The following FBH1 variants were observed in gnomAD, a reference collection of about 807,000 sequenced individuals.
The protein encoded by FBH1 is DNA 3'-5' helicase 1.
A neutral mutation model predicts 115.5 loss-of-function variants in FBH1; 43 were observed. The ratio of observed to expected loss-of-function variants is 0.37; its 90% CI spans 0.29 to 0.48. FBH1 has a LOEUF of 0.48. Ranked by LOEUF, FBH1 falls within the 20% of genes least tolerant of loss-of-function variation. FBH1 has a pLI of 0.99. For missense variants in FBH1, 1,001 were observed against 1,337.3 expected, an observed-to-expected ratio of 0.75 and a Z score of 3.92; for synonymous variants, 524 against 507.8, an observed-to-expected ratio of 1.03 and a Z score of -0.43.
Position 5,911,245 on chromosome 10 carries a change from C to A in FBH1, c.1211+117C>A. ...GCACCTGGCAGGCTGTGGGACCCAC[C>A]TGCTCCACCTCAGTGTCATCTTCTG... On this transcript the variant is annotated intron_variant, in intron 6 of 20. Transcript: ENST00000362091. The surrounding 1 kb of genome is among the most constrained non-coding windows in gnomAD (Gnocchi z 5.4). The A allele has an allele frequency of 1.0e-6, 1 of 961,692 alleles. No homozygotes were observed. The highest frequency in any genetic ancestry group is 1.5e-6 in the Non-Finnish European group (1 of 650,356). The allele number at this position is 961,692 out of a possible 1,614,324, so 59.6% of individuals were successfully genotyped here. A position where few individuals can be genotyped will look rare whatever the true frequency, so the allele number is the denominator to read the frequency against.
intron 2 of FBH1, among the ~76,000 whole-genome samples, chr10:5,903,787 T>C (rs1050362681): frequency 6.6e-6 from 1 of 152,214 alleles, no homozygotes; most frequent in Non-Finnish European, 1.5e-5. Flanking sequence ...ATTAGTTGAC[T>C]CTTCATTCAT....
At position 5,917,808 on chromosome 10, in the gene FBH1, T is replaced by C. The variant is rs1832063890; in HGVS notation, c.1963+132T>C. ...AAAGAAGAGGATCTTCATACTTACC[T>C]TAGGATTTCAAGCTGCCCCTTCCCC... On this transcript the variant is annotated intron_variant, in intron 12 of 20. Coordinates refer to ENST00000362091, the MANE Select transcript of FBH1 (RefSeq NM_178150.3). The surrounding 1 kb of genome is among the most constrained non-coding windows in gnomAD (Gnocchi z 5.6). 2 of 780,640 alleles carry C rather than the reference T, an allele frequency of 2.6e-6. No homozygotes were observed. The highest frequency in any genetic ancestry group is 3.5e-5 in the African/African-American group (2 of 57,696). 48.4% of individuals were successfully genotyped at this position (780,640 alleles called of 1,614,324 possible).
intron 1 of FBH1, chr10:5,894,261 C>T: frequency 3.5e-6 from 5 of 1,417,130 alleles, no homozygotes; most frequent in South Asian, 3.2e-5. Context: ...TTCGGGTCTA[C>T]AGCATTTAGT....
intron 13 of FBH1, among the ~76,000 whole-genome samples, chr10:5,919,496 A>G (rs1482565454): frequency 6.6e-6 from 1 of 152,176 alleles, no homozygotes; most frequent in Non-Finnish European, 1.5e-5. Flanking sequence ...AAAAAAAAAT[A>G]GTTTTTAATA....
rs1015420558 is a variant in FBH1 at position 5,925,701 on chromosome 10, C to T, written c.2722+209C>T. Among the ~76,000 whole-genome samples, 29 of 152,346 alleles carry T rather than the reference C, an allele frequency of 1.9e-4. No homozygotes were observed. The highest frequency in any genetic ancestry group is 6.7e-4 in the African/African-American group (28 of 41,588). On this transcript the variant is annotated intron_variant, in intron 18 of 20. Transcript: ENST00000362091. The surrounding 1 kb of genome is among the most constrained non-coding windows in gnomAD (Gnocchi z 4.6). ...AAAAACAAAACTTCCTCAAGGTGCACCCCTCTGGGGGCTGCGTGTGGGATG... is the reference window on the plus strand; with the variant it reads ...AAAAACAAAACTTCCTCAAGGTGCATCCCTCTGGGGGCTGCGTGTGGGATG...
In FBH1 at chr10:5,915,344, A is replaced by G; in HGVS notation, c.1397-59A>G. On this transcript the variant is annotated intron_variant, in intron 8 of 20. Coordinates refer to ENST00000362091, the MANE Select transcript of FBH1 (RefSeq NM_178150.3). This position sits in a 1 kb window ranked among gnomAD's most constrained non-coding sequence, Gnocchi z 5.2. ...AAGCCTGGACAAGGCCTGATTGGGG[A>G]TCCCTGGGCATGTCTTGTCTGGTCA... The G allele has an allele frequency of 6.3e-7, 1 of 1,576,992 alleles. No individual in the cohort carries two copies. Among genetic ancestry groups the G allele is most frequent in the Non-Finnish European group, 8.7e-7 (1 of 1,154,638 alleles).
intron 2 of FBH1, among the ~76,000 whole-genome samples, chr10:5,903,839 T>A (rs994520633): frequency 6.6e-6 from 1 of 152,192 alleles, no homozygotes; most frequent in South Asian, 2.1e-4. Context: ...TGTCATTGTT[T>A]TTCCTCCAAA....
At position 5,897,917 on chromosome 10, in the gene FBH1, A is replaced by C. The variant is rs1218097577; in HGVS notation, c.2-5103A>C. Among the ~76,000 whole-genome samples, 1 of 152,190 alleles carries C rather than the reference A, an allele frequency of 6.6e-6. No homozygotes were observed. The highest frequency in any genetic ancestry group is 1.5e-5 in the Non-Finnish European group (1 of 68,030). ...ACATAAATAAAAATCTATCCTGTTC[A>C]TATTACCTTTTCCAAAGCAGTTCCC... is the stretch of plus-strand genomic sequence containing the variant. On this transcript the variant is annotated intron_variant, in intron 1 of 20. Coordinates refer to ENST00000362091, the MANE Select transcript of FBH1 (RefSeq NM_178150.3). This position sits in a 1 kb window ranked among gnomAD's most constrained non-coding sequence, Gnocchi z 4.7.
At position 5,925,304 on chromosome 10, in the gene FBH1, T is replaced by C. The variant is rs1008966343; in HGVS notation, c.2597-63T>C. 2.5e-6 allele frequency: 4 copies of C among 1,586,132 alleles called. No individual in the cohort carries two copies. The African/African-American group carries it at 5.4e-5, about 21-fold the overall frequency. ...AGAGTCAAGTGGGAAACATGTATGT[T>C]TTTGTCATCTTGTTTCTTTCCCTTT... On this transcript the variant is annotated intron_variant, in intron 17 of 20. Coordinates refer to ENST00000362091, the MANE Select transcript of FBH1 (RefSeq NM_178150.3). This position sits in a 1 kb window ranked among gnomAD's most constrained non-coding sequence, Gnocchi z 4.6.
At chr10:5,916,909 C>T (rs1831999369) in intron 10 of FBH1, among the ~76,000 whole-genome samples, 1 of 152,154 alleles carries the variant, frequency 6.6e-6, no homozygotes, top group Non-Finnish European at 1.5e-5. Flanking sequence ...ATAGTCCTCC[C>T]ATTTAACAGA....
chr10:5,913,499 G>A lies in FBH1; in HGVS notation c.1212-248G>A, dbSNP rs750899993. 1.3e-5 allele frequency among the ~76,000 whole-genome samples: 2 copies of A among 152,106 alleles called. No homozygotes were observed. The highest frequency in any genetic ancestry group is 1.5e-5 in the Non-Finnish European group (1 of 68,018). On this transcript the variant is annotated intron_variant, in intron 6 of 20. Transcript: ENST00000362091. This position sits in a 1 kb window ranked among gnomAD's most constrained non-coding sequence, Gnocchi z 4.4. The stretch of plus-strand genomic sequence containing the variant: ...GCTGGCGCCCCTCATTCCCTGAAGA[G>A]CCCGTCCTGGTCTCTTCCTCCTCTT...
rs578126156 is a variant in FBH1, at chr10:5,906,289, C to G, written c.410C>G (p.Thr137Ser). The G allele has an allele frequency of 3.7e-6, 6 of 1,614,212 alleles. No homozygotes were observed. Among genetic ancestry groups the G allele is most frequent in the Middle Eastern group, 1.6e-4 (1 of 6,062 alleles). The change falls in exon 3 of 21, where the codon ACC (threonine) becomes AGC (serine). Residue 137 changes from threonine (T) to serine (S), a missense_variant. Physicochemically the swap from Thr to Ser is moderately conservative, Grantham distance 58. Around this residue, in one of 4 missense-constraint regions of FBH1, gnomAD observed 420 missense variants for 430.4 expected, o/e 0.98. Transcript: ENST00000362091. This position sits in a 1 kb window ranked among gnomAD's most constrained non-coding sequence, Gnocchi z 7.3. The part of the protein sequence containing the change: ...SEEESNQATG[T>S]SRWDGVSKKA... ...GAAGAGAGTAACCAGGCTACCGGGA[C>G]CAGCCGGTGGGATGGAGTTTCTAAG...
Position 5,924,277 on chromosome 10 carries a change from G to C in FBH1, c.2399-34G>C. ...CTGCCACCATCTGTTAGTGGAGCTT[G>C]TGTCACCTTAATTTGTGTGTATATT... On this transcript the variant is annotated intron_variant, in intron 16 of 20. Coordinates refer to ENST00000362091, the MANE Select transcript of FBH1 (RefSeq NM_178150.3). The surrounding 1 kb of genome is among the most constrained non-coding windows in gnomAD (Gnocchi z 6.2). The C allele has an allele frequency of 6.2e-7, 1 of 1,606,882 alleles. No individual in the cohort carries two copies. The highest frequency in any genetic ancestry group is 8.5e-7 in the Non-Finnish European group (1 of 1,173,820).
rs1414854391 is a variant in FBH1, at chr10:5,904,686, C to T, written c.158-1351C>T. On this transcript the variant is annotated intron_variant, in intron 2 of 20. Transcript: ENST00000362091. ...GCCCAGCCTGGGCAACATAATGAGA[C>T]CCCGTCTCTATTTTAAAATAATAAT... Among the ~76,000 whole-genome samples the T allele has an allele frequency of 4.6e-5, 7 of 152,144 alleles. No individual in the cohort carries two copies. The South Asian group carries it at 1.2e-3, about 27-fold the overall frequency.
At position 5,910,815 on chromosome 10, in the gene FBH1, G is replaced by A. The variant is rs1831537116; in HGVS notation, c.1021-123G>A. On this transcript the variant is annotated intron_variant, in intron 5 of 20. Coordinates refer to ENST00000362091, the MANE Select transcript of FBH1 (RefSeq NM_178150.3). The surrounding 1 kb of genome is among the most constrained non-coding windows in gnomAD (Gnocchi z 4.8). ...ATACAACTTGGAAAGTTTGGATTCA[G>A]TCCAGACAGTCTGTAGCCAGCAGCT... The A allele has an allele frequency of 5.2e-5, 42 of 803,952 alleles. No individual in the cohort carries two copies. In the South Asian group the frequency reaches 7.4e-4, roughly 14 times the overall value. The allele number at this position is 803,952 out of a possible 1,614,324, so 49.8% of individuals were successfully genotyped here.
chr10:5,891,745 G>A (rs760179173), intron 1 of FBH1, among the ~76,000 whole-genome samples: 51 of 152,208 alleles, frequency 3.4e-4, no homozygotes, highest in Non-Finnish European at 5.9e-5. Context: ...GAGTAGCTGG[G>A]ATTACAGGCG....
intron 1 of FBH1, among the ~76,000 whole-genome samples, chr10:5,896,989 G>T (rs1299813991): frequency 6.6e-6 from 1 of 152,168 alleles, no homozygotes; most frequent in East Asian, 1.9e-4. Context: ...ATATTAATAA[G>T]AATAGAAGGG....
intron 18 of FBH1, among the ~76,000 whole-genome samples, chr10:5,926,116 C>CTTA (rs377150683): frequency 0.063 from 4,681 of 74,216 alleles, 100 homozygotes; most frequent in Non-Finnish European, 0.11. Flanking sequence ...TATTCTTATT[C>CTTA]TTCTTATTAT....
At chr10:5,891,672 C>T (rs1032377173) in intron 1 of FBH1, among the ~76,000 whole-genome samples, 1 of 152,216 alleles carries the variant, frequency 6.6e-6, no homozygotes, top group Non-Finnish European at 1.5e-5. Context: ...TGCAGTGGCA[C>T]GATCTCGGCT....
Sources: gnomAD v4.1 joint callset for allele counts (sites outside exome capture counted in the v4.1 genomes callset) on GRCh38, gnomAD v4.1.1 for gene constraint, gnomAD v4.1.1 regional missense constraint, Gnocchi (gnomAD v3.1) non-coding constraint, MANE v1.5 for transcripts, NCBI Gene and HGNC (gene_info 2026-07-23, HGNC 2026-07-21) for gene names.